The following ABR variants were observed in gnomAD, a reference collection of about 807,000 sequenced individuals.
The protein encoded by ABR is active breakpoint cluster region-related protein.
A neutral mutation model predicts 107.2 loss-of-function variants in ABR; 35 were observed. The ratio of observed to expected loss-of-function variants is 0.33; its 90% confidence interval spans 0.25 to 0.43. ABR has a LOEUF of 0.43. Among genes scored for constraint, ABR ranks in the 20% least tolerant of loss-of-function variants. The probability of loss-of-function intolerance (pLI) is 1.00; values close to 1 mark genes in which losing one functional copy is unlikely to be tolerated. For synonymous variants in ABR, 498 were observed against 462.0 expected (o/e 1.08, Z -1.00); for missense variants, 815 against 1,115.2 (o/e 0.73, Z 3.83).
upstream of ABR, among the ~76,000 whole-genome samples, chr17:1,189,083 G>A (rs1188392610): frequency 6.6e-6 from 1 of 152,200 alleles, no homozygotes; most frequent in African/African-American, 2.4e-5. Context: ...CCGGTGCCAG[G>A]AGCTGGCACG....
chr17:1,032,204 GCCCTCCTC>G (rs992295205), intron 16 of ABR, among the ~76,000 whole-genome samples: 4 of 152,146 alleles, frequency 2.6e-5, no homozygotes, highest in South Asian at 2.1e-4. Flanking sequence ...ACAAACAGCT[GCCCTCCTC>G]CCCGGGCAAA....
At chr17:1,149,661 C>G (rs757969347) in intron 1 of ABR, among the ~76,000 whole-genome samples, 6 of 152,154 alleles carry the variant, frequency 3.9e-5, no homozygotes, top group Non-Finnish European at 5.9e-5. Context: ...AGGTGATCTA[C>G]CCACCTTAGC....
chr17:1,012,070 G>A (rs780716583), intron 18 of ABR, 85 bp from the exon 19 acceptor site: 3 of 1,591,214 alleles, frequency 1.9e-6, no homozygotes, highest in African/African-American at 1.3e-5. Flanking sequence ...CACACACCCT[G>A]GAGAGCTTCT....
chr17:1,215,663 C>T (rs1357755835), intron 1 of ABR, among the ~76,000 whole-genome samples: 13 of 152,236 alleles, frequency 8.5e-5, no homozygotes, highest in African/African-American at 1.2e-4. Context: ...GCCGCCACCC[C>T]GTCTGGGAGG....
chr17:1,101,770 G>T (rs1482548767), intron 2 of ABR, among the ~76,000 whole-genome samples: 5 of 145,782 alleles, frequency 3.4e-5, no homozygotes, highest in Admixed American at 7.0e-5. Context: ...GTCTCGCTCT[G>T]TCGCCCAGGC....
At chr17:1,058,535 T>A (rs965354213) in intron 11 of ABR, among the ~76,000 whole-genome samples, 3 of 151,784 alleles carry the variant, frequency 2.0e-5, no homozygotes, top group African/African-American at 4.8e-5. Flanking sequence ...GAAGCCAAGG[T>A]GACAGGAGCG....
intron 21 of ABR, 63 bp downstream of exon 21, chr17:1,009,616 C>T: frequency 1.4e-6 from 2 of 1,472,332 alleles, no homozygotes; most frequent in Non-Finnish European, 1.9e-6. Context: ...GGTTGGGGCC[C>T]CTCCCCGTTA....
intron 4 of ABR, among the ~76,000 whole-genome samples, chr17:1,086,880 G>A: frequency 6.6e-6 from 1 of 152,036 alleles, no homozygotes; most frequent in Non-Finnish European, 1.5e-5. Context: ...AGACTGAGGT[G>A]GGAGGATCAC....
intron 1 of ABR, among the ~76,000 whole-genome samples, chr17:1,167,532 A>G (rs1371663954): frequency 2.0e-5 from 3 of 151,790 alleles, no homozygotes; most frequent in Non-Finnish European, 4.4e-5. Flanking sequence ...TCAGACATGC[A>G]GAGGCCTGGG....
intron 16 of ABR, among the ~76,000 whole-genome samples, chr17:1,035,185 C>G (rs997870470): frequency 2.0e-5 from 3 of 151,712 alleles, no homozygotes; most frequent in African/African-American, 7.3e-5. Context: ...CTGTGCAAGA[C>G]AGATGTCCCC....
chr17:1,045,450 TCTTCCGTCTTCTTA>T (rs1429506903), intron 16 of ABR, among the ~76,000 whole-genome samples: 2 of 145,740 alleles, frequency 1.4e-5, no homozygotes, highest in African/African-American at 5.0e-5. Context: ...AGCAGGACAA[TCTTCCGTCTTCTTA>T]CAGCAGGACA....
chr17:1,110,215 AT>A (rs1167796676), intron 2 of ABR, among the ~76,000 whole-genome samples: 1 of 151,834 alleles, frequency 6.6e-6, no homozygotes, highest in Non-Finnish European at 1.5e-5. Flanking sequence ...GTGAGGCCAC[AT>A]TCTGGTCCCC....
chr17:1,109,053 C>T (rs753872821), intron 2 of ABR: 1 of 1,595,146 alleles, frequency 6.3e-7, no homozygotes, highest in Non-Finnish European at 8.5e-7. Context: ...CCTATCGCCT[C>T]CTCTTCCTCC....
At chr17:1,098,247 T>C (rs1304116568) in intron 3 of ABR, among the ~76,000 whole-genome samples, 3 of 151,992 alleles carry the variant, frequency 2.0e-5, no homozygotes, top group Non-Finnish European at 4.4e-5. Flanking sequence ...TAATTTTTTT[T>C]GTACTTTTTT....
chr17:1,004,556 T>A lies in ABR; in HGVS notation c.*1524A>T, dbSNP rs537717541. 2 of 153,318 alleles carry A rather than the reference T, an allele frequency of 1.3e-5. No individual in the cohort carries two copies. Among genetic ancestry groups the A allele is most frequent in the African/African-American group, 4.8e-5 (2 of 41,508 alleles). 9.5% of individuals were successfully genotyped at this position (153,318 alleles called of 1,614,324 possible). On this transcript the variant is annotated 3_prime_UTR_variant, in exon 23 of 23. Coordinates refer to ENST00000302538, the MANE Select transcript of ABR (RefSeq NM_021962.5). ...TATAAGTCGAGCCCCTGGAGCTGCA[T>A]CTGCTCTCCTAGGCTGATGGCCCGA...
In ABR at chr17:1,167,154, C is replaced by G. The variant is rs78608480; in HGVS notation, c.61+12513G>C. Among the ~76,000 whole-genome samples, 819 of 138,782 alleles carry G rather than the reference C, an allele frequency of 5.9e-3. 9 individuals carry two copies. The highest frequency in any genetic ancestry group is 0.02 in the African/African-American group (773 of 37,832). The allele number at this position is 138,782 out of a possible 152,430, so 91.0% of individuals were successfully genotyped here. A position where few individuals can be genotyped will look rare whatever the true frequency, so the allele number is the denominator to read the frequency against. ...TCGGGGTGAGGCAAAGCCTTGAGCT[C>G]TGGCTGGGCGGAGAGAGAGGCCACC... On this transcript the variant is annotated intron_variant, in intron 1 of 22. Transcript: ENST00000302538.
chr17:1,198,727 C>G (rs1367289787), intron 1 of ABR, among the ~76,000 whole-genome samples: 1 of 150,730 alleles, frequency 6.6e-6, no homozygotes, highest in East Asian at 2.0e-4. Flanking sequence ...GCTCCGCCTC[C>G]CGGGTTCACG....
chr17:1,108,024 T>C (rs1353355579), intron 2 of ABR, among the ~76,000 whole-genome samples: 4 of 152,218 alleles, frequency 2.6e-5, no homozygotes. Context: ...CCAGCAATGC[T>C]GGCTGCACAT....
intron 16 of ABR, among the ~76,000 whole-genome samples, chr17:1,043,807 G>C (rs1302440231): frequency 6.6e-6 from 1 of 152,254 alleles, no homozygotes; most frequent in African/African-American, 2.4e-5. Flanking sequence ...CAGGCACGTG[G>C]GGAAGTGGAG....
Sources: gnomAD v4.1 joint callset for allele counts (sites outside exome capture counted in the v4.1 genomes callset) on GRCh38, gnomAD v4.1.1 for gene constraint, MANE v1.5 for transcripts, NCBI Gene and HGNC (gene_info 2026-07-23, HGNC 2026-07-21) for gene names.